NCK2: variants seen among roughly 807,000 people sequenced by gnomAD.
The protein encoded by NCK2 is NCK adaptor protein 2.
In NCK2, 16 loss-of-function variants were observed where a neutral mutation model predicts 33.9. The ratio of observed to expected loss-of-function variants is 0.47; its 90% CI spans 0.32 to 0.72. The LOEUF (loss-of-function observed/expected upper bound fraction) is 0.72. Ranked by LOEUF, NCK2 falls within the 30% of genes least tolerant of loss-of-function variation. The pLI, the probability that NCK2 is intolerant of heterozygous loss-of-function variation, is 0.03. For synonymous variants in NCK2, 273 were observed against 239.9 expected (o/e 1.14, Z -1.27); for missense variants, 418 against 537.3 (o/e 0.78, Z 2.19).
chr2:105,774,243 A>C (rs957305139), intron 1 of NCK2, among the ~76,000 whole-genome samples: 1 of 152,000 alleles, frequency 6.6e-6, no homozygotes, highest in African/African-American at 2.4e-5. Context: ...TCCTGACCTC[A>C]AGTTATCCCC....
chr2:105,789,191 C>A (rs1690787376), intron 1 of NCK2, among the ~76,000 whole-genome samples: 1 of 151,936 alleles, frequency 6.6e-6, no homozygotes, highest in Admixed American at 6.6e-5. Context: ...CCATTTTTTT[C>A]TTTTTCTTTT....
At chr2:105,892,928 A>G in intron 4 of NCK2, 54 bp from the exon 5 acceptor site, 1 of 1,479,020 alleles carries the variant, frequency 6.8e-7, no homozygotes, top group Non-Finnish European at 9.3e-7. Flanking sequence ...GGATGGATTT[A>G]GACACAGCTC....
At chr2:105,780,848 A>G (rs1035883630) in intron 1 of NCK2, among the ~76,000 whole-genome samples, 17 of 152,290 alleles carry the variant, frequency 1.1e-4, no homozygotes, top group African/African-American at 4.1e-4. Context: ...CCAGACACTG[A>G]ATTTCCTGGT....
At chr2:105,835,406 C>CGTGTATATATATATATATATATATGTGT (rs1676379920) in intron 2 of NCK2, among the ~76,000 whole-genome samples, 5 of 24,246 alleles carry the variant, frequency 2.1e-4, no homozygotes, top group Admixed American at 1.1e-3. Flanking sequence ...TATATATATA[C>CGTGTATATATATATATATATATATGTGT]GTGTATATAT....
At chr2:105,793,451 C>A (rs1365069376) in intron 1 of NCK2, among the ~76,000 whole-genome samples, 3 of 151,422 alleles carry the variant, frequency 2.0e-5, no homozygotes, top group African/African-American at 7.4e-5. Context: ...GAACTTCTGA[C>A]CTCGGGCATC....
chr2:105,817,105 G>A (rs1675521467), intron 2 of NCK2, among the ~76,000 whole-genome samples: 1 of 151,516 alleles, frequency 6.6e-6, no homozygotes, highest in Non-Finnish European at 1.5e-5. Flanking sequence ...GAACCTGGGA[G>A]GCGGAGGTTG....
At chr2:105,789,452 G>A (rs749436694) in intron 1 of NCK2, among the ~76,000 whole-genome samples, 2 of 152,140 alleles carry the variant, frequency 1.3e-5, no homozygotes, top group African/African-American at 2.4e-5. Flanking sequence ...GCCTCCCAAG[G>A]TGCTGGGCTT....
At chr2:105,859,465 A>G (rs1231673410) in intron 3 of NCK2, among the ~76,000 whole-genome samples, 2 of 152,150 alleles carry the variant, frequency 1.3e-5, no homozygotes, top group Non-Finnish European at 2.9e-5. Flanking sequence ...CAACAGGACC[A>G]CACCTAGGCC....
At chr2:105,865,380 C>A (rs1009475091) in intron 3 of NCK2, among the ~76,000 whole-genome samples, 6 of 152,176 alleles carry the variant, frequency 3.9e-5, no homozygotes, top group Non-Finnish European at 7.4e-5. Flanking sequence ...CGTGCTGGGA[C>A]TGACATTTGA....
chr2:105,762,119 C>T (rs1558824982), intron 1 of NCK2, among the ~76,000 whole-genome samples: 1 of 152,160 alleles, frequency 6.6e-6, no homozygotes, highest in Non-Finnish European at 1.5e-5. Flanking sequence ...AAATTAAGGA[C>T]AGAGTTTGTG....
Position 105,858,059 on chromosome 2 carries a change from T to G in NCK2, c.226+2770T>G, listed in dbSNP as rs750011086. Among the ~76,000 whole-genome samples the G allele has an allele frequency of 1.5e-3, 54 of 37,092 alleles. No homozygotes were observed. The East Asian group carries it at 0.037, about 25-fold the overall frequency. 24.3% of individuals were successfully genotyped at this position (37,092 alleles called of 152,430 possible). A position where few individuals can be genotyped will look rare whatever the true frequency, so the allele number is the denominator to read the frequency against. ...TTTGTTTTTTGGGGTTTTTTTTTTG[T>G]TTTTTTTTTTGCTAAAAAGATAGGA... On this transcript the variant is annotated intron_variant, in intron 3 of 4. Transcript: ENST00000233154.
intron 1 of NCK2, among the ~76,000 whole-genome samples, chr2:105,814,279 T>G (rs559223020): frequency 6.6e-6 from 1 of 152,338 alleles, no homozygotes; most frequent in East Asian, 1.9e-4. Flanking sequence ...CATTGACAGT[T>G]TGTCAGTGGA....
chr2:105,747,150 G>T (rs1689313620), intron 1 of NCK2, among the ~76,000 whole-genome samples: 1 of 152,158 alleles, frequency 6.6e-6, no homozygotes, highest in Non-Finnish European at 1.5e-5. Flanking sequence ...AGGACACGCT[G>T]CATACTTAAA....
chr2:105,815,191 A>T (rs1675436747), intron 1 of NCK2, among the ~76,000 whole-genome samples: 1 of 152,256 alleles, frequency 6.6e-6, no homozygotes, highest in African/African-American at 2.4e-5. Context: ...GTGTTTGGCC[A>T]TCACCTTTTC....
At chr2:105,763,405 G>T (rs1689829711) in intron 1 of NCK2, among the ~76,000 whole-genome samples, 1 of 152,142 alleles carries the variant, frequency 6.6e-6, no homozygotes, top group Non-Finnish European at 1.5e-5. Flanking sequence ...ACTCTTTCCA[G>T]TCATGCAGTA....
chr2:105,757,591 A>G (rs1318907445), intron 1 of NCK2, among the ~76,000 whole-genome samples: 1 of 152,210 alleles, frequency 6.6e-6, no homozygotes, highest in Non-Finnish European at 1.5e-5. Flanking sequence ...TGGGCCAGGC[A>G]CTGTGCTGGG....
intron 2 of NCK2, among the ~76,000 whole-genome samples, chr2:105,842,882 G>C (rs1279565753): frequency 6.6e-6 from 1 of 151,316 alleles, no homozygotes; most frequent in Non-Finnish European, 1.5e-5. Flanking sequence ...TAGGCAACCA[G>C]TGGGTGGTGG....
Position 105,881,417 on chromosome 2 carries a change from G to A in NCK2, c.316G>A (p.Ala106Thr). The change falls in exon 4 of 5, where the codon GCC (alanine) becomes ACC (threonine). Residue 106 changes from alanine (A) to threonine (T), a missense_variant. By Grantham distance (58) the Ala-to-Thr change is moderately conservative. Coordinates refer to ENST00000233154, the MANE Select transcript of NCK2 (RefSeq NM_003581.5). ...DAEYPANGSG[A>T]DRIYDLNIPA... ...CGAGTACCCCGCCAATGGCAGCGGC[G>A]CCGACCGCATCTACGACCTCAACAT... 6.2e-7 allele frequency: 1 copy of A among 1,612,808 alleles called. No individual in the cohort carries two copies. Among genetic ancestry groups the A allele is most frequent in the South Asian group, 1.1e-5 (1 of 91,084 alleles).
chr2:105,807,915 C>T (rs552850636), intron 1 of NCK2, among the ~76,000 whole-genome samples: 40 of 144,610 alleles, frequency 2.8e-4, no homozygotes, highest in African/African-American at 9.6e-4. Flanking sequence ...TTCTGTCTCT[C>T]TCTGTCTCTG....
Sources: allele counts gnomAD v4.1 joint callset (sites outside exome capture counted in the v4.1 genomes callset), GRCh38; gene constraint gnomAD v4.1.1; transcripts MANE v1.5; gene names NCBI Gene and HGNC (gene_info 2026-07-23, HGNC 2026-07-21).